Variants in PAX3 observed in about 807,000 individuals in gnomAD.
The protein encoded by PAX3 is paired box 3.
PAX3 carries 14 observed loss-of-function variants against 51.6 expected under a neutral mutation model. The ratio of observed to expected loss-of-function variants is 0.27; its 90% CI spans 0.18 to 0.42. The LOEUF is 0.42. PAX3 is among the 10% of genes least tolerant of loss of function. The pLI, the probability that PAX3 is intolerant of heterozygous loss-of-function variation, is 1.00. For missense variants in PAX3, 540 were observed against 642.8 expected (o/e 0.84, Z 1.73); for synonymous variants, 280 against 253.4 (o/e 1.11, Z -1.00).
rs1691257610 is a variant in PAX3, at chr2:222,200,784, G to A, written c.*624C>T. 3.2e-6 allele frequency: 1 copy of A among 308,874 alleles called. No homozygotes were observed. Among genetic ancestry groups the A allele is most frequent in the Admixed American group, 4.6e-5 (1 of 21,618 alleles). The allele number at this position is 308,874 out of a possible 1,614,324, so 19.1% of individuals were successfully genotyped here. A position where few individuals can be genotyped will look rare whatever the true frequency, so the allele number is the denominator to read the frequency against. On this transcript the variant is annotated 3_prime_UTR_variant, in exon 9 of 9. Transcript: ENST00000392070. ...TTATTGACAACTAGATTACAAATGA[G>A]GATACAGTAACAAATAATTTATTTA...
chr2:222,211,169 T>C (rs572779185), intron 7 of PAX3, among the ~76,000 whole-genome samples: 1 of 152,286 alleles, frequency 6.6e-6, no homozygotes, highest in East Asian at 1.9e-4. Flanking sequence ...TGGCCATACA[T>C]GATATTTTTA....
chr2:222,254,577 C>T (rs1389947309), intron 4 of PAX3, among the ~76,000 whole-genome samples: 1 of 152,138 alleles, frequency 6.6e-6, no homozygotes, highest in Non-Finnish European at 1.5e-5. Flanking sequence ...CCATCAGTGT[C>T]ATAATTACTT....
chr2:222,201,697 T>C (rs989287440), intron 8 of PAX3: 2 of 1,452,662 alleles, frequency 1.4e-6, no homozygotes, highest in Admixed American at 5.1e-5. Context: ...AACCCTTGTG[T>C]TTTACCTAGT....
chr2:222,292,041 AC>A (rs1411398247), intron 4 of PAX3, among the ~76,000 whole-genome samples: 1 of 147,948 alleles, frequency 6.8e-6, no homozygotes, highest in African/African-American at 2.5e-5. Context: ...CACAGCCCCC[AC>A]TGGGGAGAAT....
intron 7 of PAX3, among the ~76,000 whole-genome samples, chr2:222,216,502 A>G (rs1691964044): frequency 6.6e-6 from 1 of 152,194 alleles, no homozygotes; most frequent in South Asian, 2.1e-4. Flanking sequence ...TCCATTGCCA[A>G]GCTCTGACCA....
chr2:222,291,389 C>T (rs1695032792), intron 4 of PAX3, among the ~76,000 whole-genome samples: 1 of 152,132 alleles, frequency 6.6e-6, no homozygotes, highest in South Asian at 2.1e-4. Flanking sequence ...ATGCTTAGCG[C>T]GCGCCCGTTA....
chr2:222,213,955 A>G (rs1240739813), intron 7 of PAX3, among the ~76,000 whole-genome samples: 2 of 152,200 alleles, frequency 1.3e-5, no homozygotes, highest in Admixed American at 1.3e-4. Flanking sequence ...TATCAACAGC[A>G]CAAGAGAAAG....
chr2:222,273,685 G>A (rs1694325963), intron 4 of PAX3, among the ~76,000 whole-genome samples: 1 of 152,154 alleles, frequency 6.6e-6, no homozygotes, highest in South Asian at 2.1e-4. Flanking sequence ...ATATTCAATT[G>A]TATTTAAAGC....
chr2:222,282,837 A>C (rs1021783248), intron 4 of PAX3, among the ~76,000 whole-genome samples: 1 of 152,266 alleles, frequency 6.6e-6, no homozygotes, highest in Non-Finnish European at 1.5e-5. Flanking sequence ...AAGCAATAGA[A>C]TATTGGAGGA....
intron 4 of PAX3, among the ~76,000 whole-genome samples, chr2:222,249,525 C>G (rs1299877133): frequency 2.0e-5 from 3 of 152,116 alleles, no homozygotes; most frequent in Admixed American, 6.6e-5. Context: ...AATCCTAGCC[C>G]AAAAGTGCAG....
chr2:222,277,388 C>T (rs1694459275), intron 4 of PAX3, among the ~76,000 whole-genome samples: 1 of 152,174 alleles, frequency 6.6e-6, no homozygotes, highest in Non-Finnish European at 1.5e-5. Flanking sequence ...CCCATAGGTT[C>T]ATTAGCTCCT....
At chr2:222,279,677 G>A (rs1250403961) in intron 4 of PAX3, among the ~76,000 whole-genome samples, 1 of 152,150 alleles carries the variant, frequency 6.6e-6, no homozygotes, top group Non-Finnish European at 1.5e-5. Flanking sequence ...GATAGTCATT[G>A]TCTTACTTAA....
chr2:222,282,654 C>A (rs1489296334), intron 4 of PAX3, among the ~76,000 whole-genome samples: 1 of 152,086 alleles, frequency 6.6e-6, no homozygotes, highest in Non-Finnish European at 1.5e-5. Context: ...TAAAACTACC[C>A]ACAATTTTTC....
At chr2:222,218,287 A>G (rs190348632) in intron 7 of PAX3, among the ~76,000 whole-genome samples, 6 of 152,346 alleles carry the variant, frequency 3.9e-5, no homozygotes, top group Admixed American at 1.3e-4. Flanking sequence ...AGGAGATCAC[A>G]TTCTAGCAAT....
At chr2:222,201,780 A>T (rs1691301445) in intron 8 of PAX3, 164 bp downstream of exon 8, 1 of 1,507,248 alleles carries the variant, frequency 6.6e-7, no homozygotes, top group Admixed American at 2.4e-5. Flanking sequence ...AAATAATTAC[A>T]CAAGGAAGCC....
intron 4 of PAX3, among the ~76,000 whole-genome samples, chr2:222,244,129 C>T (rs1200508788): frequency 2.6e-5 from 4 of 152,176 alleles, no homozygotes; most frequent in Non-Finnish European, 2.9e-5. Flanking sequence ...GCAAACCAGT[C>T]AAAATGACTA....
chr2:222,201,640 C>A, intron 8 of PAX3, 198 bp from the exon 9 acceptor site: 1 of 1,326,616 alleles, frequency 7.5e-7, no homozygotes. Context: ...GAGCTGACCT[C>A]ATTAAGAACA....
chr2:222,275,409 A>T (rs1329744482), intron 4 of PAX3, among the ~76,000 whole-genome samples: 1 of 151,756 alleles, frequency 6.6e-6, no homozygotes, highest in African/African-American at 2.4e-5. Flanking sequence ...ATTAGTTTGG[A>T]TATTTTATAT....
chr2:222,233,709 C>T (rs576132858), intron 4 of PAX3, among the ~76,000 whole-genome samples: 6 of 152,258 alleles, frequency 3.9e-5, no homozygotes, highest in South Asian at 2.1e-4. Context: ...AGGCCATAGA[C>T]CCTGAGCCTA....
Sources: allele counts gnomAD v4.1 joint callset (sites outside exome capture counted in the v4.1 genomes callset), GRCh38; gene constraint gnomAD v4.1.1; transcripts MANE v1.5; gene names NCBI Gene and HGNC (gene_info 2026-07-23, HGNC 2026-07-21).